Variants in ZCCHC7 observed in about 807,000 individuals in gnomAD.
ZCCHC7 encodes the protein zinc finger CCHC domain-containing protein 7.
Under a neutral mutation model 52.0 loss-of-function variants are expected in ZCCHC7, and 35 were observed. The observed-to-expected ratio is 0.67, with a 90% CI of 0.51 to 0.89. ZCCHC7 has a LOEUF of 0.89. Ranked by LOEUF, ZCCHC7 falls within the 40% of genes least tolerant of loss-of-function variation. ZCCHC7 has a pLI of 0.00. For missense variants in ZCCHC7, 574 were observed against 649.1 expected, an observed-to-expected ratio of 0.88 and a Z score of 1.26; for synonymous variants, 217 against 221.5, an observed-to-expected ratio of 0.98 and a Z score of 0.18.
intron 2 of ZCCHC7, among the ~76,000 whole-genome samples, chr9:37,211,751 G>A (rs962873362): frequency 6.6e-5 from 10 of 152,034 alleles, no homozygotes; most frequent in Admixed American, 5.2e-4. Context: ...GGCTAGGGCC[G>A]GGCGCGGTGG....
chr9:37,173,237 C>G (rs936913717), intron 2 of ZCCHC7, among the ~76,000 whole-genome samples: 2 of 152,210 alleles, frequency 1.3e-5, no homozygotes, highest in Non-Finnish European at 2.9e-5. Context: ...GTTGGTGTCT[C>G]ATTGTTCATT....
intron 2 of ZCCHC7, among the ~76,000 whole-genome samples, chr9:37,212,791 C>G (rs1017264026): frequency 2.6e-5 from 4 of 152,210 alleles, no homozygotes; most frequent in Admixed American, 6.5e-5. Flanking sequence ...ACCTGTACAT[C>G]AACAATATAT....
intron 2 of ZCCHC7, among the ~76,000 whole-genome samples, chr9:37,296,881 TTGTGTGTGTGTGTG>T (rs56378965): frequency 4.6e-4 from 57 of 124,204 alleles, no homozygotes; most frequent in South Asian, 2.8e-3. Context: ...CCTGGCTAGT[TTGTGTGTGTGTGTG>T]TGTGTGTGTG....
chr9:37,256,020 T>C (rs752855209), intron 2 of ZCCHC7, among the ~76,000 whole-genome samples: 7 of 152,186 alleles, frequency 4.6e-5, no homozygotes, highest in Non-Finnish European at 1.0e-4. Context: ...CAGATCAACA[T>C]TAGTAGGTGA....
intron 2 of ZCCHC7, among the ~76,000 whole-genome samples, chr9:37,237,732 T>C (rs1825715873): frequency 6.6e-6 from 1 of 152,188 alleles, no homozygotes; most frequent in Non-Finnish European, 1.5e-5. Flanking sequence ...AAGTTTAATA[T>C]GCAAGAGTTA....
At chr9:37,201,792 A>T (rs1755857080) in intron 2 of ZCCHC7, among the ~76,000 whole-genome samples, 1 of 152,210 alleles carries the variant, frequency 6.6e-6, no homozygotes, top group South Asian at 2.1e-4. Flanking sequence ...CACTTTTGTT[A>T]ATCTAGTGCT....
chr9:37,298,550 C>T (rs1010261318), intron 2 of ZCCHC7, among the ~76,000 whole-genome samples: 7 of 152,174 alleles, frequency 4.6e-5, no homozygotes, highest in African/African-American at 1.7e-4. Context: ...CGTATAATTC[C>T]ATATATGTGA....
At chr9:37,258,647 G>T (rs2133432456) in intron 2 of ZCCHC7, among the ~76,000 whole-genome samples, 1 of 151,564 alleles carries the variant, frequency 6.6e-6, no homozygotes, top group South Asian at 2.1e-4. Context: ...AGCTCCTTGG[G>T]AGGCTGAGGT....
At chr9:37,155,874 A>C (rs368196229) in intron 2 of ZCCHC7, among the ~76,000 whole-genome samples, 5 of 152,282 alleles carry the variant, frequency 3.3e-5, no homozygotes, top group African/African-American at 1.2e-4. Context: ...TCACTTCATA[A>C]ATATTTATTG....
intron 2 of ZCCHC7, among the ~76,000 whole-genome samples, chr9:37,254,199 C>T (rs1826464186): frequency 6.6e-6 from 1 of 151,950 alleles, no homozygotes; most frequent in African/African-American, 2.4e-5. Flanking sequence ...TTACGAAGAA[C>T]TGGCAGGTTT....
At chr9:37,237,847 T>C (rs1825723052) in intron 2 of ZCCHC7, among the ~76,000 whole-genome samples, 1 of 152,164 alleles carries the variant, frequency 6.6e-6, no homozygotes, top group Non-Finnish European at 1.5e-5. Context: ...TTAATGTGTG[T>C]ATTTGCTGGA....
Position 37,246,181 on chromosome 9 carries a change from A to G in ZCCHC7, c.611-56007A>G, listed in dbSNP as rs116542151. On this transcript the variant is annotated intron_variant, in intron 2 of 8. Transcript: ENST00000336755. Reference sequence around the variant, plus strand: ...ACTGTTCTTCTGGATAGTGAATACTAGAGGAGAATCAAGTTTGAAAGTGGA... The same window carrying G: ...ACTGTTCTTCTGGATAGTGAATACTGGAGGAGAATCAAGTTTGAAAGTGGA... Among the ~76,000 whole-genome samples the G allele has an allele frequency of 7.3e-3, 1,117 of 152,232 alleles. 14 individuals carry two copies. Among genetic ancestry groups the G allele is most frequent in the African/African-American group, 0.025 (1,036 of 41,564 alleles).
intron 2 of ZCCHC7, among the ~76,000 whole-genome samples, chr9:37,148,038 G>T (rs1218486563): frequency 1.3e-5 from 2 of 151,974 alleles, no homozygotes; most frequent in East Asian, 3.8e-4. Flanking sequence ...ATCTATACTT[G>T]CATCTGTCAG....
At chr9:37,246,555 A>T (rs1398729733) in intron 2 of ZCCHC7, among the ~76,000 whole-genome samples, 1 of 152,208 alleles carries the variant, frequency 6.6e-6, no homozygotes, top group African/African-American at 2.4e-5. Context: ...ATTGCTATAA[A>T]ACTGGTGTAG....
intron 2 of ZCCHC7, among the ~76,000 whole-genome samples, chr9:37,254,655 C>T (rs900362059): frequency 1.3e-5 from 2 of 151,956 alleles, no homozygotes; most frequent in African/African-American, 4.8e-5. Flanking sequence ...AGAATTACTA[C>T]ATTCATGAAA....
intron 2 of ZCCHC7, among the ~76,000 whole-genome samples, chr9:37,243,879 C>A (rs1400685773): frequency 6.6e-6 from 1 of 151,856 alleles, no homozygotes; most frequent in Non-Finnish European, 1.5e-5. Context: ...CAAAGAGCAT[C>A]GCACAGTGGA....
At chr9:37,205,525 C>T (rs1385611772) in intron 2 of ZCCHC7, among the ~76,000 whole-genome samples, 1 of 152,166 alleles carries the variant, frequency 6.6e-6, no homozygotes, top group Non-Finnish European at 1.5e-5. Flanking sequence ...TTGTAAGCTC[C>T]ACTTTTTTTG....
chr9:37,327,896 G>T (rs2118177461), intron 6 of ZCCHC7, 62 bp downstream of exon 6: 1 of 1,544,608 alleles, frequency 6.5e-7, no homozygotes, highest in South Asian at 1.1e-5. Flanking sequence ...TCTCTGAACT[G>T]CTGACCATAA....
chr9:37,278,265 A>C (rs1187413963), intron 2 of ZCCHC7, among the ~76,000 whole-genome samples: 1 of 152,162 alleles, frequency 6.6e-6, no homozygotes, highest in African/African-American at 2.4e-5. Context: ...GACTATGCTC[A>C]AGGATATAAA....
Sources: allele counts gnomAD v4.1 joint callset (sites outside exome capture counted in the v4.1 genomes callset), GRCh38; gene constraint gnomAD v4.1.1; transcripts MANE v1.5; gene names NCBI Gene and HGNC (gene_info 2026-07-23, HGNC 2026-07-21).